VCAN: variants seen among roughly 807,000 people sequenced by gnomAD.
The protein encoded by VCAN is versican core protein.
In VCAN, 44 loss-of-function variants were observed where a neutral mutation model predicts 245.5. The observed-to-expected ratio is 0.18, with a 90% CI of 0.14 to 0.23. VCAN has a LOEUF of 0.23. VCAN is among the 10% of genes least tolerant of loss of function. VCAN has a pLI of 1.00. For synonymous variants in VCAN, 1,413 were observed against 1,437.0 expected, an observed-to-expected ratio of 0.98 and a Z score of 0.38; for missense variants, 3,793 against 4,057.9, an observed-to-expected ratio of 0.93 and a Z score of 1.77.
At position 83,521,298 on chromosome 5, in the gene VCAN, G is replaced by T. The variant is rs770958364; in HGVS notation, c.2992G>T (p.Gly998Cys). 1 of 1,613,958 alleles carries T rather than the reference G, an allele frequency of 6.2e-7. No individual in the cohort carries two copies. Among genetic ancestry groups the T allele is most frequent in the Non-Finnish European group, 8.5e-7 (1 of 1,179,938 alleles). Residue 998 changes from glycine to cysteine, a missense_variant, in exon 7 of 15, where the codon GGT becomes TGT. Around this residue, in one of 5 missense-constraint regions of VCAN, gnomAD observed 3,182 missense variants for 3,250.3 expected, o/e 0.98. Transcript: ENST00000265077. ...PSVPSEDEVL[G>C]EPSQDILVID... ...TGTTCCATCAGAAGATGAAGTTCTA[G>T]GTGAACCCTCTCAAGACATACTTGT...
At chr5:83,503,400 C>T (rs763104686) in intron 5 of VCAN, among the ~76,000 whole-genome samples, 5 of 152,160 alleles carry the variant, frequency 3.3e-5, no homozygotes, top group Admixed American at 6.5e-5. Flanking sequence ...TTCCAGCTTA[C>T]TCATCCCATT....
intron 8 of VCAN, among the ~76,000 whole-genome samples, chr5:83,543,719 G>A (rs565221140): frequency 6.6e-6 from 1 of 152,138 alleles, no homozygotes; most frequent in Non-Finnish European, 1.5e-5. Flanking sequence ...GGTACATATA[G>A]AGTTAAGTTT....
At chr5:83,567,561 A>C (rs1034368967) in intron 12 of VCAN, among the ~76,000 whole-genome samples, 1 of 152,122 alleles carries the variant, frequency 6.6e-6, no homozygotes, top group Non-Finnish European at 1.5e-5. Flanking sequence ...CAGCCTCCCA[A>C]AGTGCTGGGA....
At chr5:83,492,116 G>GT (rs1281440436) in intron 3 of VCAN, among the ~76,000 whole-genome samples, 4 of 152,004 alleles carry the variant, frequency 2.6e-5, no homozygotes, top group African/African-American at 9.7e-5. Context: ...CTTAGTGCCC[G>GT]TGCAGGTCTT....
chr5:83,555,044 A>G lies in VCAN; in HGVS notation c.9735+6A>G. ...GGACTGATGGCAGCACACTGGTAAG[A>G]TGCCCTTGAAAATGATGTCAAGTTC... On this transcript the variant is annotated splice_donor_region_variant and intron_variant, in intron 12 of 14. Coordinates refer to ENST00000265077, the MANE Select transcript of VCAN (RefSeq NM_004385.5). 6.2e-7 allele frequency: 1 copy of G among 1,613,342 alleles called. No homozygotes were observed. The highest frequency in any genetic ancestry group is 8.5e-7 in the Non-Finnish European group (1 of 1,179,418).
chr5:83,510,423 C>G (rs1202086133), intron 5 of VCAN, among the ~76,000 whole-genome samples: 4 of 152,152 alleles, frequency 2.6e-5, no homozygotes, highest in African/African-American at 7.2e-5. Flanking sequence ...AGGTGAAGAT[C>G]CAAATCATGA....
In VCAN at chr5:83,541,927, C is replaced by T. The variant is rs374586841; in HGVS notation, c.8924C>T (p.Pro2975Leu). Residue 2975 changes from proline (P) to leucine (L), a missense_variant, in exon 8 of 15, where the codon CCA becomes CTA. Pro to Leu is a moderately conservative substitution (Grantham distance 98). Coordinates refer to ENST00000265077, the MANE Select transcript of VCAN (RefSeq NM_004385.5). ...EIELEGATQW[P>L]HSTSASATYG... is the part of the protein sequence containing the mutation. ...GAATTAGAAGGTGCTACACAGTGGC[C>T]ACACTCTACTTCTGCTTCTGCCACC... 1 of 1,613,954 alleles carries T rather than the reference C, an allele frequency of 6.2e-7. No individual in the cohort carries two copies. Among genetic ancestry groups the T allele is most frequent in the African/African-American group, 1.3e-5 (1 of 74,898 alleles).
intron 1 of VCAN, among the ~76,000 whole-genome samples, chr5:83,473,675 G>T (rs1001921737): frequency 1.3e-5 from 2 of 152,212 alleles, no homozygotes; most frequent in African/African-American, 2.4e-5. Context: ...CACAAGACTT[G>T]CAGAACCTAG....
intron 12 of VCAN, among the ~76,000 whole-genome samples, chr5:83,567,923 T>G (rs1748146881): frequency 6.6e-6 from 1 of 152,196 alleles, no homozygotes; most frequent in Non-Finnish European, 1.5e-5. Context: ...TTGCTCATAA[T>G]TCAAAGTGAA....
intron 12 of VCAN, among the ~76,000 whole-genome samples, chr5:83,568,995 T>C (rs1052949706): frequency 6.6e-6 from 1 of 152,166 alleles, no homozygotes; most frequent in African/African-American, 2.4e-5. Context: ...AATTTAACAC[T>C]TGTTTTACTA....
In VCAN at chr5:83,545,640, G is replaced by C; in HGVS notation, c.9369G>C (p.Gln3123His). The change falls in exon 9 of 15, where the codon CAG (glutamine) becomes CAC (histidine). Residue 3123 changes from glutamine (Q) to histidine (H), a missense_variant. Gln to His is a conservative substitution (Grantham distance 24). Around this residue, in one of 5 missense-constraint regions of VCAN, gnomAD observed 3,182 missense variants for 3,250.3 expected, o/e 0.98. Transcript: ENST00000265077. Reference protein sequence around the residue: ...CTCVPGYSGDQCELDFDECHS... With the variant: ...CTCVPGYSGDHCELDFDECHS... The stretch of plus-strand genomic sequence containing the variant: ...GTGTGCCAGGATACAGCGGAGACCA[G>C]TGTGAACTTGGTAAGATGGTACTTG... 2 of 1,613,860 alleles carry C rather than the reference G, an allele frequency of 1.2e-6. No homozygotes were observed. Among genetic ancestry groups the C allele is most frequent in the South Asian group, 1.1e-5 (1 of 91,086 alleles).
At chr5:83,569,010 C>T (rs1245398872) in intron 12 of VCAN, among the ~76,000 whole-genome samples, 1 of 152,046 alleles carries the variant, frequency 6.6e-6, no homozygotes, top group Non-Finnish European at 1.5e-5. Context: ...TTACTACCCC[C>T]CATTTCTTTA....
chr5:83,523,196 G>A (rs534411297), intron 7 of VCAN, among the ~76,000 whole-genome samples: 1 of 152,242 alleles, frequency 6.6e-6, no homozygotes, highest in South Asian at 2.1e-4. Flanking sequence ...GTCTAAAGGT[G>A]AGCCCACACC....
chr5:83,489,178 T>C (rs972153754), intron 2 of VCAN, among the ~76,000 whole-genome samples: 5 of 151,436 alleles, frequency 3.3e-5, no homozygotes, highest in Admixed American at 2.6e-4. Flanking sequence ...TTGTTGACCA[T>C]ATTTTCATGA....
chr5:83,526,333 C>T (rs1021346912), intron 7 of VCAN, among the ~76,000 whole-genome samples: 1 of 152,136 alleles, frequency 6.6e-6, no homozygotes, highest in African/African-American at 2.4e-5. Flanking sequence ...TTTTAAAGAA[C>T]ATTTTAATTA....
At chr5:83,485,168 G>A (rs999233547) in intron 2 of VCAN, among the ~76,000 whole-genome samples, 2 of 152,136 alleles carry the variant, frequency 1.3e-5, no homozygotes, top group African/African-American at 4.8e-5. Flanking sequence ...TTGCTCGAAC[G>A]CCCATACCCA....
chr5:83,490,169 A>G lies in VCAN; in HGVS notation c.142A>G (p.Thr48Ala), dbSNP rs752236125. 1.9e-6 allele frequency: 3 copies of G among 1,614,150 alleles called. No individual in the cohort carries two copies. The highest frequency in any genetic ancestry group is 2.5e-6 in the Non-Finnish European group (3 of 1,180,026). ...AGTCAGCCTACCTTGTCATTTTTCA[A>G]CGATGCCTACTTTGCCACCCAGTTA... The part of the protein sequence containing the change: ...GKVSLPCHFS[T>A]MPTLPPSYNT... The change falls in exon 3 of 15, where the codon ACG (threonine) becomes GCG (alanine). Residue 48 changes from threonine to alanine, a missense_variant. By Grantham distance (58) the Thr-to-Ala change is moderately conservative (BLOSUM62 0). Around this residue, in one of 5 missense-constraint regions of VCAN, gnomAD observed 179 missense variants for 169.7 expected, o/e 1.05. Coordinates refer to ENST00000265077, the MANE Select transcript of VCAN (RefSeq NM_004385.5).
At chr5:83,552,716 A>G (rs1479595061) in intron 10 of VCAN, among the ~76,000 whole-genome samples, 3 of 152,140 alleles carry the variant, frequency 2.0e-5, no homozygotes, top group African/African-American at 4.8e-5. Context: ...AATTTAATTT[A>G]TTTCATTTTT....
Position 83,553,382 on chromosome 5 carries a change from A to G in VCAN, c.9512A>G (p.Tyr3171Cys). Residue 3171 changes from tyrosine (Y) to cysteine (C), a missense_variant, in exon 11 of 15, where the codon TAT (tyrosine) becomes TGT (cysteine). Tyr to Cys is a radical substitution (Grantham distance 194, BLOSUM62 -2). Around this residue, in one of 5 missense-constraint regions of VCAN, gnomAD observed 205 missense variants for 321.1 expected, o/e 0.64. Coordinates refer to ENST00000265077, the MANE Select transcript of VCAN (RefSeq NM_004385.5). Reference sequence around the variant, plus strand: ...TTCTCAGATACCGAGACATGTGACTATGGCTGGCACAAATTCCAAGGGCAG... The same window carrying G: ...TTCTCAGATACCGAGACATGTGACTGTGGCTGGCACAAATTCCAAGGGCAG... ...LCEQDTETCD[Y>C]GWHKFQGQCY... 1 of 1,614,044 alleles carries G rather than the reference A, an allele frequency of 6.2e-7. No individual in the cohort carries two copies. Among genetic ancestry groups the G allele is most frequent in the Non-Finnish European group, 8.5e-7 (1 of 1,179,970 alleles).
Sources: gnomAD v4.1 joint callset for allele counts (sites outside exome capture counted in the v4.1 genomes callset) on GRCh38, gnomAD v4.1.1 for gene constraint, gnomAD v4.1.1 regional missense constraint, MANE v1.5 for transcripts, NCBI Gene and HGNC (gene_info 2026-07-23, HGNC 2026-07-21) for gene names.